Variants in CFAP221 observed in about 807,000 individuals in gnomAD.
CFAP221 encodes the protein cilia and flagella associated protein 221.
CFAP221 carries 97 observed loss-of-function variants against 113.1 expected under a neutral mutation model. The ratio of observed to expected loss-of-function variants is 0.86; its 90% CI spans 0.73 to 1.02. CFAP221 has a LOEUF of 1.02. Ranked by LOEUF, CFAP221 falls within the 50% of genes least tolerant of loss-of-function variation. The pLI is 0.00. For synonymous variants in CFAP221, 331 were observed against 354.4 expected (o/e 0.93, Z 0.74); for missense variants, 1,025 against 1,013.4 (o/e 1.01, Z -0.16).
At chr2:119,569,462 A>G (rs1264821662) in intron 6 of CFAP221, among the ~76,000 whole-genome samples, 1 of 151,982 alleles carries the variant, frequency 6.6e-6, no homozygotes, top group Non-Finnish European at 1.5e-5. Context: ...TAGTTTGAAG[A>G]CAGTATGCCT....
intron 6 of CFAP221, among the ~76,000 whole-genome samples, chr2:119,578,678 A>G (rs1389729929): frequency 6.6e-6 from 1 of 152,196 alleles, no homozygotes; most frequent in Non-Finnish European, 1.5e-5. Flanking sequence ...TACAAGTATA[A>G]TAACTAATGG....
intron 7 of CFAP221, among the ~76,000 whole-genome samples, chr2:119,598,922 G>A (rs999997667): frequency 2.6e-5 from 4 of 152,150 alleles, no homozygotes; most frequent in Non-Finnish European, 5.9e-5. Context: ...ATGAGCTAGA[G>A]CAGAAGCAAT....
At chr2:119,629,750 GTT>G in intron 16 of CFAP221, 123 bp from the exon 17 acceptor site, 1 of 685,636 alleles carries the variant, frequency 1.5e-6, no homozygotes, top group Non-Finnish European at 2.4e-6. Context: ...GGCAACTGTG[GTT>G]GCAGGAGGAG....
chr2:119,659,701 C>T (rs1558681005), downstream of CFAP221, among the ~76,000 whole-genome samples: 1 of 152,256 alleles, frequency 6.6e-6, no homozygotes, highest in Admixed American at 6.5e-5. Context: ...TAGCAGTTTC[C>T]GAAGCATAAC....
At chr2:119,566,575 C>T (rs1681649456) in intron 6 of CFAP221, among the ~76,000 whole-genome samples, 3 of 152,366 alleles carry the variant, frequency 2.0e-5, no homozygotes. Flanking sequence ...CTCCTACAGA[C>T]ATGAGCAGCC....
intron 23 of CFAP221, among the ~76,000 whole-genome samples, chr2:119,654,459 G>A (rs1253735361): frequency 6.6e-6 from 1 of 151,786 alleles, no homozygotes; most frequent in Non-Finnish European, 1.5e-5. Context: ...GCTTGCCCCA[G>A]GAGCAAGGTA....
intron 6 of CFAP221, among the ~76,000 whole-genome samples, chr2:119,575,341 T>C (rs942669344): frequency 6.6e-6 from 1 of 152,126 alleles, no homozygotes; most frequent in African/African-American, 2.4e-5. Context: ...AGGCCCTTGC[T>C]CCCACCTCCA....
At chr2:119,605,114 T>G in intron 10 of CFAP221, 67 bp from the exon 11 acceptor site, 1 of 1,491,468 alleles carries the variant, frequency 6.7e-7, no homozygotes, top group East Asian at 2.3e-5. Context: ...ATTAGAAATG[T>G]GTTTTTCTCT....
chr2:119,557,067 G>A (rs970366589), intron 3 of CFAP221: 18 of 152,114 alleles, frequency 1.2e-4, no homozygotes, highest in African/African-American at 4.3e-4. Flanking sequence ...GGACCATTCA[G>A]GAATACTGGA....
At position 119,545,987 on chromosome 2, in the gene CFAP221, C is replaced by T; in HGVS notation, c.-47-98C>T. 3 of 880,310 alleles carry T rather than the reference C, an allele frequency of 3.4e-6. No individual in the cohort carries two copies. In the South Asian group the frequency reaches 5.7e-5, roughly 17 times the overall value. The allele number at this position is 880,310 out of a possible 1,614,324, so 54.5% of individuals were successfully genotyped here. A position where few individuals can be genotyped will look rare whatever the true frequency, so the allele number is the denominator to read the frequency against. ...GGAGAGCCAGGGAGGGCATGAACCA[C>T]AGTAAACCACACAGAGACGAGGTAC... On this transcript the variant is annotated intron_variant, in intron 1 of 23. Transcript: ENST00000413369.
intron 3 of CFAP221, among the ~76,000 whole-genome samples, chr2:119,555,319 G>A (rs1170952061): frequency 1.3e-5 from 2 of 152,128 alleles, no homozygotes; most frequent in Non-Finnish European, 2.9e-5. Context: ...CAGAGATTCC[G>A]GAGGGACTAG....
intron 8 of CFAP221, 32 bp from the exon 9 acceptor site, chr2:119,604,640 T>C (rs764476041): frequency 5.3e-6 from 8 of 1,502,338 alleles, no homozygotes; most frequent in Non-Finnish European, 7.1e-6. Context: ...TAATGGCTTA[T>C]TTACTAATTT....
chr2:119,659,867 G>A (rs1385203533), downstream of CFAP221, among the ~76,000 whole-genome samples: 1 of 152,212 alleles, frequency 6.6e-6, no homozygotes, highest in Non-Finnish European at 1.5e-5. Context: ...CCCTGCTTCT[G>A]TGGAGAGGAA....
In CFAP221 at chr2:119,611,564, A is replaced by G. The variant is rs184189853; in HGVS notation, c.1222-89A>G. 3.4e-5 allele frequency: 41 copies of G among 1,214,512 alleles called. No homozygotes were observed. The East Asian group carries it at 6.8e-4, about 20-fold the overall frequency. The allele number at this position is 1,214,512 out of a possible 1,614,324, so 75.2% of individuals were successfully genotyped here. On this transcript the variant is annotated intron_variant, in intron 12 of 23. Transcript: ENST00000413369. ...GGAACGTCGTGGGTGGATTTGGCCA[A>G]TTGCTTAATGGGTTTCTACAAGTTT...
In CFAP221 at chr2:119,560,044, G is replaced by GC. The variant is rs1491179153; in HGVS notation, c.426+19dup. 2.8e-6 allele frequency: 3 copies of GC among 1,070,028 alleles called. No homozygotes were observed. Among genetic ancestry groups the GC allele is most frequent in the African/African-American group, 4.2e-5 (2 of 47,458 alleles). 66.3% of individuals were successfully genotyped at this position (1,070,028 alleles called of 1,614,324 possible). On this transcript the variant is annotated intron_variant, in intron 5 of 23. Coordinates refer to ENST00000413369, the MANE Select transcript of CFAP221 (RefSeq NM_001271049.2). ...ACTGTAAGGTAGGTCTCTTAAAATTGCTTTTTTTTTTTTTTTTTTTTGATG... is the reference window on the plus strand; with the variant it reads ...ACTGTAAGGTAGGTCTCTTAAAATTGCCTTTTTTTTTTTTTTTTTTTTGATG...
chr2:119,622,416 C>G (rs2104736443), intron 14 of CFAP221, among the ~76,000 whole-genome samples: 1 of 152,292 alleles, frequency 6.6e-6, no homozygotes, highest in Admixed American at 6.5e-5. Context: ...CAGACAGATT[C>G]ACAGCCGAAT....
At chr2:119,659,597 A>C (rs1343668644), downstream of CFAP221, among the ~76,000 whole-genome samples, 1 of 152,284 alleles carries the variant, frequency 6.6e-6, no homozygotes, top group Admixed American at 6.5e-5. Context: ...TTTCTGGTTT[A>C]TCCTTCTTGT....
At chr2:119,599,455 C>A (rs951611162) in intron 7 of CFAP221, among the ~76,000 whole-genome samples, 1 of 152,172 alleles carries the variant, frequency 6.6e-6, no homozygotes, top group African/African-American at 2.4e-5. Context: ...CAGTAATGAG[C>A]AGGTGCCTGC....
chr2:119,608,720 T>A lies in CFAP221; in HGVS notation c.1221+131T>A, dbSNP rs1684948609. The A allele has an allele frequency of 4.0e-6, 3 of 741,666 alleles. No individual in the cohort carries two copies. The African/African-American group carries it at 5.3e-5, about 13-fold the overall frequency. The allele number at this position is 741,666 out of a possible 1,614,324, so 45.9% of individuals were successfully genotyped here. A position where few individuals can be genotyped will look rare whatever the true frequency, so the allele number is the denominator to read the frequency against. On this transcript the variant is annotated intron_variant, in intron 12 of 23. Coordinates refer to ENST00000413369, the MANE Select transcript of CFAP221 (RefSeq NM_001271049.2). Reference sequence around the variant, plus strand: ...TGGGAAAGGCTGACGACAAGTAAATTGTCAACCATAAATCAAGACTGGCTA... The same window carrying A: ...TGGGAAAGGCTGACGACAAGTAAATAGTCAACCATAAATCAAGACTGGCTA...
Sources: allele counts gnomAD v4.1 joint callset (sites outside exome capture counted in the v4.1 genomes callset), GRCh38; gene constraint gnomAD v4.1.1; transcripts MANE v1.5; gene names NCBI Gene and HGNC (gene_info 2026-07-23, HGNC 2026-07-21).